The following ARHGAP24 variants were observed in gnomAD, a reference collection of about 807,000 sequenced individuals.
The protein encoded by ARHGAP24 is Rho GTPase activating protein 24.
ARHGAP24 carries 50 observed loss-of-function variants against 76.4 expected under a neutral mutation model. The observed-to-expected ratio is 0.65, with a 90% CI of 0.52 to 0.83. The LOEUF is 0.83. ARHGAP24 is among the 40% of genes least tolerant of loss of function. The pLI is 0.00. For missense variants in ARHGAP24, 930 were observed against 914.2 expected (o/e 1.02, Z -0.22); for synonymous variants, 345 against 323.3 (o/e 1.07, Z -0.72).
chr4:85,678,434 C>G (rs760477285), intron 2 of ARHGAP24, among the ~76,000 whole-genome samples: 10 of 152,176 alleles, frequency 6.6e-5, no homozygotes, highest in Non-Finnish European at 1.5e-4. Flanking sequence ...TCAACACAAT[C>G]AAGAATTTTC....
In ARHGAP24 at chr4:85,834,677, A is replaced by G. The variant is rs537508219; in HGVS notation, c.269-88971A>G. Among the ~76,000 whole-genome samples, 8 of 152,358 alleles carry G rather than the reference A, an allele frequency of 5.3e-5. No homozygotes were observed. The South Asian group carries it at 8.3e-4, about 16-fold the overall frequency. ...CTGGAAGAAGTCAAAGGGTGAACAGAGAGCCCAAACTGAAAAGACCATTAA... is the reference window on the plus strand; with the variant it reads ...CTGGAAGAAGTCAAAGGGTGAACAGGGAGCCCAAACTGAAAAGACCATTAA... On this transcript the variant is annotated intron_variant, in intron 3 of 9. Coordinates refer to ENST00000395184, the MANE Select transcript of ARHGAP24 (RefSeq NM_001025616.3).
rs564617617 is a variant in ARHGAP24 at position 85,998,580 on chromosome 4, G to A, written c.2004-1899G>A. On this transcript the variant is annotated intron_variant, in intron 9 of 9. Coordinates refer to ENST00000395184, the MANE Select transcript of ARHGAP24 (RefSeq NM_001025616.3). ...CTTTCCAGAACCCTTATTAAGCTAT[G>A]TTTGACCTTGTTAATCTATCCTCTG... is the stretch of plus-strand genomic sequence containing the variant. 8.6e-5 allele frequency among the ~76,000 whole-genome samples: 13 copies of A among 151,714 alleles called. No homozygotes were observed. In the South Asian group the frequency reaches 2.1e-3, roughly 24 times the overall value.
intron 3 of ARHGAP24, among the ~76,000 whole-genome samples, chr4:85,895,001 CAA>C (rs1222078793): frequency 1.8e-5 from 1 of 54,336 alleles, no homozygotes; most frequent in East Asian, 1.4e-3. Flanking sequence ...AAACAAAAAG[CAA>C]AAAAAAAAAA....
rs979283656 is a variant in ARHGAP24, at chr4:85,674,505, A to G, written c.181-47380A>G. On this transcript the variant is annotated intron_variant, in intron 2 of 9. Transcript: ENST00000395184. ...ATCAATAAATCACCCTTTATATTTT[A>G]TACTTTCATAAATGCATGTATAACT... Among the ~76,000 whole-genome samples the G allele has an allele frequency of 2.6e-5, 4 of 152,244 alleles. No individual in the cohort carries two copies. In the East Asian group the frequency reaches 7.7e-4, roughly 29 times the overall value.
At chr4:85,670,553 GT>G (rs1722784510) in intron 2 of ARHGAP24, among the ~76,000 whole-genome samples, 1 of 152,168 alleles carries the variant, frequency 6.6e-6, no homozygotes, top group Non-Finnish European at 1.5e-5. Context: ...TTCTCTTTGT[GT>G]CTCTTTTCTT....
At chr4:85,950,404 G>A (rs1737541845) in intron 5 of ARHGAP24, among the ~76,000 whole-genome samples, 1 of 151,892 alleles carries the variant, frequency 6.6e-6, no homozygotes, top group Non-Finnish European at 1.5e-5. Flanking sequence ...GGAGGCTGAG[G>A]CAGGAGGATC....
intron 3 of ARHGAP24, among the ~76,000 whole-genome samples, chr4:85,722,972 C>A (rs546705332): frequency 6.6e-6 from 1 of 152,266 alleles, no homozygotes; most frequent in South Asian, 2.1e-4. Context: ...ATGATGGAAT[C>A]CATGACTAAA....
chr4:85,919,288 G>A (rs1365505410), intron 3 of ARHGAP24, among the ~76,000 whole-genome samples: 4 of 152,140 alleles, frequency 2.6e-5, no homozygotes, highest in Non-Finnish European at 4.4e-5. Context: ...TCATATCTTT[G>A]GTAAGTTATT....
chr4:85,622,871 G>GT (rs1368816419), intron 2 of ARHGAP24, among the ~76,000 whole-genome samples: 1 of 152,178 alleles, frequency 6.6e-6, no homozygotes, highest in East Asian at 1.9e-4. Context: ...TTTTTCATGT[G>GT]TTTTTTGGCT....
intron 3 of ARHGAP24, among the ~76,000 whole-genome samples, chr4:85,829,855 C>G (rs1729900207): frequency 6.6e-6 from 1 of 152,160 alleles, no homozygotes; most frequent in African/African-American, 2.4e-5. Flanking sequence ...AGTAAGTCAC[C>G]TATTTGATGA....
At chr4:85,697,100 G>A (rs1488511115) in intron 2 of ARHGAP24, among the ~76,000 whole-genome samples, 2 of 152,078 alleles carry the variant, frequency 1.3e-5, no homozygotes. Context: ...GTGAGGAAAG[G>A]GTCTCATGGT....
intron 1 of ARHGAP24, among the ~76,000 whole-genome samples, chr4:85,559,066 T>C (rs1726497254): frequency 6.6e-6 from 1 of 152,166 alleles, no homozygotes; most frequent in Admixed American, 6.5e-5. Context: ...CTATAAATTA[T>C]AGGCACAGCA....
intron 2 of ARHGAP24, among the ~76,000 whole-genome samples, chr4:85,654,042 A>G (rs574555039): frequency 6.6e-6 from 1 of 152,284 alleles, no homozygotes; most frequent in African/African-American, 2.4e-5. Context: ...TATTACAAAA[A>G]TACACTAGTC....
intron 3 of ARHGAP24, among the ~76,000 whole-genome samples, chr4:85,806,636 T>G (rs1180834531): frequency 6.6e-6 from 1 of 152,082 alleles, no homozygotes; most frequent in East Asian, 1.9e-4. Flanking sequence ...TCCACTGTGA[T>G]CTGAAAAAAC....
At chr4:85,552,002 A>T (rs6531833) in intron 1 of ARHGAP24, among the ~76,000 whole-genome samples, 139,427 of 152,164 alleles carry the variant, frequency 0.92, 65,018 homozygotes, top group East Asian at 1. Context: ...TTGTATGTTT[A>T]TTCCAGTCTT....
intron 3 of ARHGAP24, among the ~76,000 whole-genome samples, chr4:85,881,665 G>A (rs1733260885): frequency 6.6e-6 from 1 of 152,108 alleles, no homozygotes; most frequent in South Asian, 2.1e-4. Flanking sequence ...CACAGAGCTG[G>A]ATGTCCTAAG....
chr4:85,530,312 C>A (rs1399834317), intron 1 of ARHGAP24, among the ~76,000 whole-genome samples: 1 of 151,910 alleles, frequency 6.6e-6, no homozygotes, highest in Non-Finnish European at 1.5e-5. Flanking sequence ...GTTAATTCAT[C>A]CACACAGAGT....
intron 1 of ARHGAP24, among the ~76,000 whole-genome samples, chr4:85,502,824 T>G (rs1358798425): frequency 6.6e-6 from 1 of 152,234 alleles, no homozygotes. Context: ...GCTTCAAATT[T>G]TTGCCCATTC....
chr4:85,786,218 G>C (rs1443949218), intron 3 of ARHGAP24, among the ~76,000 whole-genome samples: 1 of 152,198 alleles, frequency 6.6e-6, no homozygotes, highest in Admixed American at 6.5e-5. Context: ...TCTAGAATGT[G>C]TTTCCTCATT....
Sources: allele counts gnomAD v4.1 joint callset (sites outside exome capture counted in the v4.1 genomes callset), GRCh38; gene constraint gnomAD v4.1.1; transcripts MANE v1.5; gene names NCBI Gene and HGNC (gene_info 2026-07-23, HGNC 2026-07-21).